Variants in LMAN1 observed in about 807,000 individuals in gnomAD.
LMAN1 encodes lectin, mannose binding 1.
A neutral mutation model predicts 67.8 loss-of-function variants in LMAN1; 32 were observed. The observed-to-expected ratio is 0.47, with a 90% CI of 0.36 to 0.63. The LOEUF (loss-of-function observed/expected upper bound fraction) is 0.63, where lower values mean the gene tolerates loss of function less well. Ranked by LOEUF, LMAN1 falls within the 30% of genes least tolerant of loss-of-function variation. The probability of loss-of-function intolerance (pLI) is 0.00; values close to 1 mark genes in which losing one functional copy is unlikely to be tolerated. For synonymous variants in LMAN1, 235 were observed against 219.3 expected (o/e 1.07, Z -0.63); for missense variants, 632 against 628.2 (o/e 1.01, Z -0.06).
chr18:59,337,403 G>C (rs1908183297), intron 10 of LMAN1, among the ~76,000 whole-genome samples: 1 of 152,152 alleles, frequency 6.6e-6, no homozygotes, highest in Admixed American at 6.5e-5. Context: ...AATAGGCCTT[G>C]GTGGAGAAAC....
Position 59,355,587 on chromosome 18 carries a change from T to C in LMAN1, c.286A>G (p.Lys96Glu). ...LKSQRGSVWT[K>E]TKAAFENWEV... ...CAGTTCTCAAAGGCCGCTTTTGTCT[T>C]TGTCCACACTGAGCCTCTTTGGCTT... is the stretch of plus-strand genomic sequence containing the variant. Residue 96 changes from lysine (K) to glutamate (E), a missense_variant, in exon 2 of 13, where the codon AAG (lysine) becomes GAG (glutamate). Coordinates refer to ENST00000251047, the MANE Select transcript of LMAN1 (RefSeq NM_005570.4). 2 of 1,614,158 alleles carry C rather than the reference T, an allele frequency of 1.2e-6. No homozygotes were observed. Among genetic ancestry groups the C allele is most frequent in the Non-Finnish European group, 1.7e-6 (2 of 1,179,980 alleles).
intron 8 of LMAN1, among the ~76,000 whole-genome samples, chr18:59,345,043 T>G (rs1908369106): frequency 6.6e-6 from 1 of 152,182 alleles, no homozygotes; most frequent in African/African-American, 2.4e-5. Flanking sequence ...AAACAATACT[T>G]TTCAAACACT....
At chr18:59,337,128 A>T (rs947957185) in intron 10 of LMAN1, among the ~76,000 whole-genome samples, 8 of 149,740 alleles carry the variant, frequency 5.3e-5, no homozygotes, top group Non-Finnish European at 1.2e-4. Flanking sequence ...ATCACAGCCA[A>T]CATCATCAGT....
chr18:59,357,756 GAAAC>G (rs1568119222), intron 1 of LMAN1, among the ~76,000 whole-genome samples: 1 of 152,048 alleles, frequency 6.6e-6, no homozygotes, highest in Non-Finnish European at 1.5e-5. Flanking sequence ...TTCTAGAAAT[GAAAC>G]ATTTTGTTTC....
intron 8 of LMAN1, among the ~76,000 whole-genome samples, chr18:59,343,906 C>T (rs1204795209): frequency 1.3e-5 from 2 of 151,998 alleles, no homozygotes; most frequent in East Asian, 3.8e-4. Flanking sequence ...CAACGAAGGG[C>T]TAATATCCAG....
At chr18:59,353,378 T>C in intron 4 of LMAN1, 77 bp from the exon 5 acceptor site, 1 of 1,041,536 alleles carries the variant, frequency 9.6e-7, no homozygotes, top group Non-Finnish European at 1.5e-6. Flanking sequence ...ACTAAAATAA[T>C]ATCAAGTTAT....
chr18:59,346,516 C>T (rs1256511139), intron 7 of LMAN1, among the ~76,000 whole-genome samples: 2 of 151,440 alleles, frequency 1.3e-5, no homozygotes, highest in African/African-American at 2.4e-5. Context: ...TGAACCACCG[C>T]GCCTGGCCCT....
chr18:59,347,615 A>T (rs1356986266), intron 6 of LMAN1, 44 bp from the exon 7 acceptor site: 2 of 1,239,246 alleles, frequency 1.6e-6, no homozygotes, highest in African/African-American at 3.0e-5. Context: ...TCCATAGGAG[A>T]TTACTTTTAT....
chr18:59,347,611 G>A, intron 6 of LMAN1, 40 bp from the exon 7 acceptor site: 4 of 1,288,476 alleles, frequency 3.1e-6, no homozygotes. Flanking sequence ...AAGTTCCATA[G>A]GAGATTACTT....
intron 8 of LMAN1, among the ~76,000 whole-genome samples, chr18:59,341,050 C>A (rs964327618): frequency 6.6e-6 from 1 of 151,518 alleles, no homozygotes; most frequent in African/African-American, 2.4e-5. Flanking sequence ...AAATGGAAAC[C>A]AAAAGTGAGA....
chr18:59,347,656 G>T (rs1039016679), intron 6 of LMAN1, 85 bp from the exon 7 acceptor site: 8 of 1,013,396 alleles, frequency 7.9e-6, no homozygotes, highest in Non-Finnish European at 1.2e-5. Flanking sequence ...AATATTTATT[G>T]TTTTAAATAA....
At position 59,330,305 on chromosome 18, in the gene LMAN1, T is replaced by C. The variant is rs1319073169; in HGVS notation, c.*788A>G. 6.6e-6 allele frequency: 1 copy of C among 152,530 alleles called. No homozygotes were observed. The highest frequency in any genetic ancestry group is 1.5e-5 in the Non-Finnish European group (1 of 67,992). 9.4% of individuals were successfully genotyped at this position (152,530 alleles called of 1,614,324 possible). On this transcript the variant is annotated 3_prime_UTR_variant, in exon 13 of 13. Transcript: ENST00000251047. The stretch of plus-strand genomic sequence containing the variant: ...AAATTCCTTAAGTTACAAATATAAA[T>C]ATAAAAATTATTTTCATAATATTGA...
Position 59,357,059 on chromosome 18 carries a change from A to C in LMAN1, c.215-1401T>G, listed in dbSNP as rs1908675987. ...TTTTTAAAGTAATGAATTGCAGAGC[A>C]AAACGAAAAGAAAAAAATGATCAAT... On this transcript the variant is annotated intron_variant, in intron 1 of 12. Coordinates refer to ENST00000251047, the MANE Select transcript of LMAN1 (RefSeq NM_005570.4). Among the ~76,000 whole-genome samples, 3 of 152,336 alleles carry C rather than the reference A, an allele frequency of 2.0e-5. No individual in the cohort carries two copies. In the South Asian group the frequency reaches 6.2e-4, roughly 32 times the overall value.
At chr18:59,338,996 T>C in intron 8 of LMAN1, 43 bp from the exon 9 acceptor site, 1 of 1,559,564 alleles carries the variant, frequency 6.4e-7, no homozygotes, top group Non-Finnish European at 8.8e-7. Flanking sequence ...CACCTACACA[T>C]ATGTAGTTTT....
chr18:59,351,739 G>A (rs553877738), intron 5 of LMAN1: 1 of 152,320 alleles, frequency 6.6e-6, no homozygotes, highest in African/African-American at 2.4e-5. Flanking sequence ...ACAGCCTCAC[G>A]GTGTTGGGTC....
chr18:59,330,807 G>T lies in LMAN1; in HGVS notation c.*286C>A. 1 of 396,212 alleles carries T rather than the reference G, an allele frequency of 2.5e-6. No homozygotes were observed. Among genetic ancestry groups the T allele is most frequent in the South Asian group, 3.8e-5 (1 of 26,500 alleles). 24.5% of individuals were successfully genotyped at this position (396,212 alleles called of 1,614,324 possible). On this transcript the variant is annotated 3_prime_UTR_variant, in exon 13 of 13. Coordinates refer to ENST00000251047, the MANE Select transcript of LMAN1 (RefSeq NM_005570.4). The stretch of plus-strand genomic sequence containing the variant: ...TTAGGGGGTAACATTCATATCCAGG[G>T]GTTGCCCCCACTTTATTTACCCTCT...
At position 59,349,214 on chromosome 18, in the gene LMAN1, G is replaced by A. The variant is rs758851192; in HGVS notation, c.662C>T (p.Thr221Ile). 2 of 1,613,064 alleles carry A rather than the reference G, an allele frequency of 1.2e-6. No homozygotes were observed. Among genetic ancestry groups the A allele is most frequent in the Admixed American group, 1.7e-5 (1 of 60,016 alleles). ...TLTVMINNGF[T>I]PDKNDYEFCA... Reference sequence around the variant, plus strand: ...AAATTCATAATCATTTTTATCTGGTGTAAAGCCATTATTGATCATTACCTA... The same window carrying A: ...AAATTCATAATCATTTTTATCTGGTATAAAGCCATTATTGATCATTACCTA... Residue 221 changes from threonine (T) to isoleucine (I), a missense_variant, in exon 6 of 13, where the codon ACA becomes ATA. Transcript: ENST00000251047.
intron 3 of LMAN1, 84 bp downstream of exon 3, chr18:59,355,229 G>A: frequency 6.0e-6 from 6 of 1,005,644 alleles, no homozygotes; most frequent in Non-Finnish European, 9.3e-6. Flanking sequence ...ACTGATGAAA[G>A]CATTGAATAA....
chr18:59,347,430 C>A, intron 7 of LMAN1, 83 bp downstream of exon 7: 1 of 875,690 alleles, frequency 1.1e-6, no homozygotes, highest in East Asian at 3.3e-5. Context: ...GAAACAAGAT[C>A]CAAACCTAAG....
Sources: allele counts gnomAD v4.1 joint callset (sites outside exome capture counted in the v4.1 genomes callset), GRCh38; gene constraint gnomAD v4.1.1; transcripts MANE v1.5; gene names NCBI Gene and HGNC (gene_info 2026-07-23, HGNC 2026-07-21).